FHIT: variants seen among roughly 807,000 people sequenced by gnomAD.
The protein encoded by FHIT is fragile histidine triad diadenosine triphosphatase, also known as bis(5'-adenosyl)-triphosphatase.
FHIT carries 19 observed loss-of-function variants against 17.9 expected under a neutral mutation model. The observed-to-expected ratio is 1.06, with a 90% CI of 0.74 to 1.56. The LOEUF is 1.56. Among genes scored for constraint, FHIT ranks in the 40% most tolerant of loss-of-function variants. FHIT has a pLI of 0.00. For synonymous variants in FHIT, 81 were observed against 69.7 expected (o/e 1.16, Z -0.81); for missense variants, 248 against 189.2 (o/e 1.31, Z -1.82).
chr3:60,277,273 T>TAAA (rs957019295), intron 5 of FHIT, among the ~76,000 whole-genome samples: 2 of 152,178 alleles, frequency 1.3e-5, no homozygotes, highest in African/African-American at 4.8e-5. Context: ...AGGAATTATT[T>TAAA]AGCAGACAGT....
intron 5 of FHIT, among the ~76,000 whole-genome samples, chr3:60,365,991 A>G (rs1456232936): frequency 6.6e-6 from 1 of 152,210 alleles, no homozygotes; most frequent in African/African-American, 2.4e-5. Flanking sequence ...TGAATGACCA[A>G]ACAACTGGTG....
chr3:60,096,893 G>A (rs12636662), intron 5 of FHIT, among the ~76,000 whole-genome samples: 61,145 of 151,656 alleles, frequency 0.4, 13,072 homozygotes, highest in East Asian at 0.71. Flanking sequence ...TAAAAGGAAT[G>A]GAAACGGCCA....
intron 4 of FHIT, among the ~76,000 whole-genome samples, chr3:60,590,574 G>A (rs1425101316): frequency 1.3e-5 from 2 of 152,146 alleles, no homozygotes; most frequent in African/African-American, 2.4e-5. Flanking sequence ...GAGTTTTAGA[G>A]GTGGCTGCCT....
chr3:59,793,032 G>A (rs1422846757), intron 8 of FHIT, among the ~76,000 whole-genome samples: 1 of 151,966 alleles, frequency 6.6e-6, no homozygotes, highest in East Asian at 1.9e-4. Context: ...CAGGCTCTGG[G>A]AGGTCAGGGA....
chr3:60,400,286 G>T (rs544417262), intron 5 of FHIT, among the ~76,000 whole-genome samples: 1 of 152,192 alleles, frequency 6.6e-6, no homozygotes, highest in South Asian at 2.1e-4. Flanking sequence ...AACAGAGGAG[G>T]TGAAAGAAGC....
Position 60,350,758 on chromosome 3 carries a change from G to A in FHIT, c.103+186102C>T, listed in dbSNP as rs1030061478. On this transcript the variant is annotated intron_variant, in intron 5 of 9. Transcript: ENST00000492590. ...GGTAAACTCCATGATCCAGCCCCCT[G>A]TATTCATGCTCTTGTGTGTAATCTC... Among the ~76,000 whole-genome samples the A allele has an allele frequency of 1.1e-4, 16 of 152,132 alleles. 1 individual carries two copies. Among genetic ancestry groups the A allele is most frequent in the Admixed American group, 1.0e-3 (16 of 15,264 alleles).
intron 8 of FHIT, among the ~76,000 whole-genome samples, chr3:59,790,428 C>T (rs1699498273): frequency 1.3e-5 from 2 of 152,110 alleles, no homozygotes; most frequent in Admixed American, 1.3e-4. Context: ...ATGAGCCAGC[C>T]AGCTAATTAT....
At chr3:60,626,677 G>A (rs2039295664) in intron 4 of FHIT, among the ~76,000 whole-genome samples, 1 of 151,174 alleles carries the variant, frequency 6.6e-6, no homozygotes, top group Non-Finnish European at 1.5e-5. Flanking sequence ...TATGAATGCA[G>A]TTTCTTTTTC....
intron 1 of FHIT, among the ~76,000 whole-genome samples, chr3:61,221,736 G>A (rs1365085361): frequency 6.6e-6 from 1 of 152,148 alleles, no homozygotes; most frequent in African/African-American, 2.4e-5. Context: ...TTTCCTGCAT[G>A]CCTGCCTCAT....
At position 60,988,912 on chromosome 3, in the gene FHIT, C is replaced by CTTTT. The variant is rs34551612; in HGVS notation, c.-111+53131_-111+53134dup. On this transcript the variant is annotated intron_variant, in intron 3 of 9. Coordinates refer to ENST00000492590, the MANE Select transcript of FHIT (RefSeq NM_002012.4). Reference sequence around the variant, plus strand: ...ATTCTAAACGATACTTGTTAAAAGGCTTTTTTTTTTTTTTCAAATGGCCAT... The same window carrying CTTTT: ...ATTCTAAACGATACTTGTTAAAAGGCTTTTTTTTTTTTTTTTTTCAAATGGCCAT... Among the ~76,000 whole-genome samples, 633 of 80,292 alleles carry CTTTT rather than the reference C, an allele frequency of 7.9e-3. 75 individuals carry two copies. The highest frequency in any genetic ancestry group is 0.014 in the Middle Eastern group (1 of 70). The allele number at this position is 80,292 out of a possible 152,430, so 52.7% of individuals were successfully genotyped here. A position where few individuals can be genotyped will look rare whatever the true frequency, so the allele number is the denominator to read the frequency against.
At chr3:60,381,204 A>T (rs1700785719) in intron 5 of FHIT, among the ~76,000 whole-genome samples, 1 of 152,174 alleles carries the variant, frequency 6.6e-6, no homozygotes, top group South Asian at 2.1e-4. Flanking sequence ...CAGGCTGGGC[A>T]CGGTGGCTCA....
intron 5 of FHIT, among the ~76,000 whole-genome samples, chr3:60,310,834 A>T (rs1708910079): frequency 6.6e-6 from 1 of 152,116 alleles, no homozygotes; most frequent in African/African-American, 2.4e-5. Flanking sequence ...TATGCCCCAG[A>T]TTCACTGGTT....
chr3:60,237,127 T>C (rs919301858), intron 5 of FHIT, among the ~76,000 whole-genome samples: 3 of 152,156 alleles, frequency 2.0e-5, no homozygotes, highest in Non-Finnish European at 2.9e-5. Flanking sequence ...TATTTCTTTA[T>C]GAAAAAGCAC....
At chr3:60,029,897 CTG>C (rs71089569) in intron 5 of FHIT, among the ~76,000 whole-genome samples, 44 of 127,860 alleles carry the variant, frequency 3.4e-4, no homozygotes, top group Admixed American at 1.4e-3. Flanking sequence ...GTGTGTGTGT[CTG>C]TGTGTGTGTG....
chr3:60,571,584 T>C (rs1377314353), intron 4 of FHIT, among the ~76,000 whole-genome samples: 2 of 152,024 alleles, frequency 1.3e-5, no homozygotes, highest in African/African-American at 4.8e-5. Flanking sequence ...CTGGGGTATG[T>C]TCAAGATGAA....
At chr3:60,333,219 T>C (rs1710072624) in intron 5 of FHIT, among the ~76,000 whole-genome samples, 1 of 152,244 alleles carries the variant, frequency 6.6e-6, no homozygotes, top group African/African-American at 2.4e-5. Flanking sequence ...AGCACTTGTA[T>C]CTAATCGATA....
intron 5 of FHIT, among the ~76,000 whole-genome samples, chr3:60,118,620 G>A (rs182758494): frequency 1.3e-4 from 20 of 151,976 alleles, no homozygotes; most frequent in African/African-American, 4.8e-4. Context: ...GTCACACAGT[G>A]AATTAACAAA....
At chr3:60,518,138 T>A (rs1317267998) in intron 5 of FHIT, among the ~76,000 whole-genome samples, 1 of 152,112 alleles carries the variant, frequency 6.6e-6, no homozygotes, top group Non-Finnish European at 1.5e-5. Flanking sequence ...GAAAAACTCA[T>A]AAATGACCAA....
intron 5 of FHIT, among the ~76,000 whole-genome samples, chr3:60,516,366 T>C (rs1432479917): frequency 1.3e-5 from 2 of 152,210 alleles, no homozygotes. Context: ...TATTTCTGCT[T>C]CTGTATGCAA....
Sources: gnomAD v4.1 joint callset for allele counts (sites outside exome capture counted in the v4.1 genomes callset) on GRCh38, gnomAD v4.1.1 for gene constraint, MANE v1.5 for transcripts, NCBI Gene and HGNC (gene_info 2026-07-23, HGNC 2026-07-21) for gene names.